Variants in SSBP3 observed in about 807,000 individuals in gnomAD.
SSBP3 encodes single-stranded DNA-binding protein 3.
In SSBP3, 5 loss-of-function variants were observed where a neutral mutation model predicts 69.6. The observed-to-expected ratio is 0.07, with a 90% CI of 0.04 to 0.15. SSBP3 has a LOEUF of 0.15. Among genes scored for constraint, SSBP3 ranks in the 10% least tolerant of loss-of-function variants. SSBP3 has a pLI of 1.00. For missense variants in SSBP3, 312 were observed against 534.0 expected (o/e 0.58, Z 4.10); for synonymous variants, 196 against 193.4 (o/e 1.01, Z -0.11).
intron 4 of SSBP3, among the ~76,000 whole-genome samples, chr1:54,366,697 T>A (rs1647034254): frequency 6.6e-6 from 1 of 152,200 alleles, no homozygotes. Flanking sequence ...TACCTCTATA[T>A]TTTAGCAATT....
chr1:54,254,650 A>T (rs1365722230), intron 7 of SSBP3, among the ~76,000 whole-genome samples: 2 of 152,154 alleles, frequency 1.3e-5, no homozygotes, highest in Non-Finnish European at 2.9e-5. Flanking sequence ...TACCCGTCAC[A>T]GGAGAGAACT....
chr1:54,306,883 G>A (rs957814321), intron 4 of SSBP3, among the ~76,000 whole-genome samples: 1 of 152,178 alleles, frequency 6.6e-6, no homozygotes, highest in Non-Finnish European at 1.5e-5. Context: ...TGAGGTAGTG[G>A]ACAGAGGTGG....
chr1:54,316,666 A>AAAAAT lies in SSBP3; in HGVS notation c.277-35140_277-35139insATTTT, dbSNP rs1557525370. On this transcript the variant is annotated intron_variant, in intron 4 of 17. Coordinates refer to ENST00000610401, the Ensembl canonical transcript of SSBP3. ...CCGTCTCAAAAAAAAAAAATAAAAT[A>AAAAAT]AATAAATAAATAAATAAATAAATAA... Among the ~76,000 whole-genome samples the AAAAAT allele has an allele frequency of 5.3e-3, 84 of 15,966 alleles. 9 individuals carry two copies. Among genetic ancestry groups the AAAAAT allele is most frequent in the African/African-American group, 0.013 (80 of 6,184 alleles). 10.5% of individuals were successfully genotyped at this position (15,966 alleles called of 152,430 possible). A position where few individuals can be genotyped will look rare whatever the true frequency, so the allele number is the denominator to read the frequency against.
chr1:54,370,474 G>C (rs1370442890), intron 4 of SSBP3, among the ~76,000 whole-genome samples: 1 of 152,176 alleles, frequency 6.6e-6, no homozygotes, highest in African/African-American at 2.4e-5. Context: ...AGGAATGCCG[G>C]AGTATGTGCC....
intron 4 of SSBP3, among the ~76,000 whole-genome samples, chr1:54,365,544 T>A (rs1647016745): frequency 6.6e-6 from 1 of 152,214 alleles, no homozygotes; most frequent in African/African-American, 2.4e-5. Context: ...CTGAGCAGGT[T>A]AGGAGCTGGC....
chr1:54,319,119 T>C (rs538194032), intron 4 of SSBP3, among the ~76,000 whole-genome samples: 29 of 152,224 alleles, frequency 1.9e-4, no homozygotes, highest in Non-Finnish European at 4.0e-4. Flanking sequence ...ACTGGGGACC[T>C]GCAGGTGCTT....
At chr1:54,272,603 T>C (rs1645213924) in intron 5 of SSBP3, among the ~76,000 whole-genome samples, 2 of 151,448 alleles carry the variant, frequency 1.3e-5, no homozygotes, top group Admixed American at 1.3e-4. Context: ...AAAAATACTC[T>C]CCAGCCCCGC....
chr1:54,352,943 G>A (rs556953311), intron 4 of SSBP3, among the ~76,000 whole-genome samples: 5 of 152,318 alleles, frequency 3.3e-5, no homozygotes, highest in South Asian at 2.1e-4. Flanking sequence ...AATGTGAGCC[G>A]ACGCCGGGCC....
intron 4 of SSBP3, among the ~76,000 whole-genome samples, chr1:54,331,222 A>G (rs1315161220): frequency 6.6e-6 from 1 of 152,176 alleles, no homozygotes. Context: ...GTCTGGACAC[A>G]GTCACTCAGT....
At chr1:54,294,712 C>G (rs1236510735) in intron 4 of SSBP3, among the ~76,000 whole-genome samples, 1 of 152,156 alleles carries the variant, frequency 6.6e-6, no homozygotes, top group African/African-American at 2.4e-5. Flanking sequence ...CTTCCATCTC[C>G]AAGATGAAGC....
At chr1:54,232,640 G>A (rs1010155318) in intron 14 of SSBP3, among the ~76,000 whole-genome samples, 15 of 152,044 alleles carry the variant, frequency 9.9e-5, no homozygotes, top group Admixed American at 2.0e-4. Context: ...CCTCTCATGC[G>A]GAGCCGAAGC....
At chr1:54,386,277 G>A (rs145471179) in intron 4 of SSBP3, among the ~76,000 whole-genome samples, 200 of 152,318 alleles carry the variant, frequency 1.3e-3, no homozygotes, top group African/African-American at 4.5e-3. Context: ...AGCAAGGGCT[G>A]GGTGGCCTTC....
chr1:54,250,252 C>T (rs1474897038), intron 9 of SSBP3, among the ~76,000 whole-genome samples: 1 of 152,242 alleles, frequency 6.6e-6, no homozygotes, highest in Non-Finnish European at 1.5e-5. Flanking sequence ...GCTGCAACTG[C>T]TGTGGGCTTG....
intron 5 of SSBP3, among the ~76,000 whole-genome samples, chr1:54,264,894 G>A (rs943065018): frequency 1.3e-5 from 2 of 152,224 alleles, no homozygotes; most frequent in Admixed American, 6.5e-5. Flanking sequence ...CTGAAGGAGT[G>A]GGTTTTCTCG....
intron 9 of SSBP3, among the ~76,000 whole-genome samples, chr1:54,249,531 C>T (rs1644790589): frequency 6.6e-6 from 1 of 152,010 alleles, no homozygotes; most frequent in Admixed American, 6.6e-5. Context: ...CCTGTCTCTA[C>T]TAAAAATACA....
chr1:54,278,921 T>C (rs1645340170), intron 5 of SSBP3, among the ~76,000 whole-genome samples: 1 of 152,208 alleles, frequency 6.6e-6, no homozygotes, highest in African/African-American at 2.4e-5. Flanking sequence ...TAGCTAATAT[T>C]CCTGTTGTAA....
chr1:54,299,992 T>C (rs1333949170), intron 4 of SSBP3, among the ~76,000 whole-genome samples: 1 of 152,102 alleles, frequency 6.6e-6, no homozygotes, highest in Non-Finnish European at 1.5e-5. Flanking sequence ...TCCCAGACAC[T>C]GGAATGCTCC....
chr1:54,362,294 C>T (rs1195565956), intron 4 of SSBP3, among the ~76,000 whole-genome samples: 1 of 152,212 alleles, frequency 6.6e-6, no homozygotes, highest in Non-Finnish European at 1.5e-5. Context: ...AGCTGCTCAA[C>T]TAAGAGCAAA....
intron 9 of SSBP3, among the ~76,000 whole-genome samples, chr1:54,248,570 GC>G (rs1644771781): frequency 6.6e-6 from 1 of 152,102 alleles, no homozygotes. Flanking sequence ...GACAGAAATG[GC>G]CTAGGGAACA....
Sources: gnomAD v4.1 joint callset for allele counts (sites outside exome capture counted in the v4.1 genomes callset) on GRCh38, gnomAD v4.1.1 for gene constraint, MANE v1.5 for transcripts, NCBI Gene and HGNC (gene_info 2026-07-23, HGNC 2026-07-21) for gene names.